The following TCERG1L variants were observed in gnomAD, a reference collection of about 807,000 sequenced individuals.
TCERG1L encodes transcription elongation regulator 1 like.
Under a neutral mutation model 56.3 loss-of-function variants are expected in TCERG1L, and 37 were observed. That is an observed-to-expected ratio of 0.66 (90% CI 0.51 to 0.87). The LOEUF is 0.87. Among genes scored for constraint, TCERG1L ranks in the 40% least tolerant of loss-of-function variants. The pLI is 0.00. For missense variants in TCERG1L, 799 were observed against 774.2 expected (o/e 1.03, Z -0.38); for synonymous variants, 324 against 326.3 (o/e 0.99, Z 0.08).
intron 4 of TCERG1L, among the ~76,000 whole-genome samples, chr10:131,225,551 T>G (rs1335034357): frequency 6.6e-6 from 1 of 152,160 alleles, no homozygotes; most frequent in Non-Finnish European, 1.5e-5. Context: ...AAGATGCATT[T>G]CGATTGATTT....
chr10:131,151,065 A>G (rs1845860637), intron 6 of TCERG1L, among the ~76,000 whole-genome samples: 1 of 152,202 alleles, frequency 6.6e-6, no homozygotes, highest in South Asian at 2.1e-4. Context: ...CACCCTTGAC[A>G]CACGGGGATT....
At chr10:131,272,195 A>G (rs1846347060) in intron 3 of TCERG1L, among the ~76,000 whole-genome samples, 1 of 152,170 alleles carries the variant, frequency 6.6e-6, no homozygotes, top group Admixed American at 6.5e-5. Context: ...ACACAGCTCC[A>G]CACACAGCTT....
At chr10:131,202,907 G>A (rs373137268) in intron 4 of TCERG1L, among the ~76,000 whole-genome samples, 5 of 152,116 alleles carry the variant, frequency 3.3e-5, no homozygotes, top group African/African-American at 7.2e-5. Flanking sequence ...TAAGTCTGCC[G>A]TCTGTGGAAA....
At chr10:131,308,836 T>C (rs1393310372) in intron 2 of TCERG1L, among the ~76,000 whole-genome samples, 2 of 152,212 alleles carry the variant, frequency 1.3e-5, no homozygotes, top group Admixed American at 1.3e-4. Context: ...CAACTGGTAT[T>C]GTGTAATGTT....
At chr10:131,298,841 C>T (rs371693181) in intron 3 of TCERG1L, among the ~76,000 whole-genome samples, 7 of 152,286 alleles carry the variant, frequency 4.6e-5, no homozygotes, top group East Asian at 1.9e-4. Context: ...ACATGTCAAT[C>T]GGGTCAAGTT....
chr10:131,180,959 G>A (rs1411597604), intron 4 of TCERG1L, among the ~76,000 whole-genome samples: 2 of 152,160 alleles, frequency 1.3e-5, no homozygotes, highest in African/African-American at 4.8e-5. Context: ...AAGGGAAGTC[G>A]CATCCCTGGT....
chr10:131,217,142 G>A (rs1393325704), intron 4 of TCERG1L, among the ~76,000 whole-genome samples: 1 of 152,132 alleles, frequency 6.6e-6, no homozygotes, highest in Non-Finnish European at 1.5e-5. Context: ...GTTGGAGGTG[G>A]GGCCTGGTGG....
intron 8 of TCERG1L, among the ~76,000 whole-genome samples, chr10:131,129,211 A>G (rs1223240744): frequency 6.6e-6 from 1 of 152,108 alleles, no homozygotes; most frequent in Non-Finnish European, 1.5e-5. Flanking sequence ...CTAAGAGGAA[A>G]AAAAAAAGAA....
At chr10:131,185,823 A>T (rs184041894) in intron 4 of TCERG1L, among the ~76,000 whole-genome samples, 298 of 152,292 alleles carry the variant, frequency 2.0e-3, no homozygotes, top group African/African-American at 6.9e-3. Context: ...TCAAACATAG[A>T]CTTAATGTGA....
intron 4 of TCERG1L, among the ~76,000 whole-genome samples, chr10:131,229,897 C>T (rs927599757): frequency 5.9e-5 from 9 of 152,258 alleles, no homozygotes; most frequent in East Asian, 1.9e-4. Flanking sequence ...CTGAACGAAG[C>T]GCTGAGGAGA....
rs1399787536 is a variant in TCERG1L, at chr10:131,098,837, G to A, written c.1486-413C>T. On this transcript the variant is annotated intron_variant, in intron 10 of 11. Coordinates refer to ENST00000368642, the MANE Select transcript of TCERG1L (RefSeq NM_174937.4). ...GCGCGGCCTCCCACTGCCTCATCAC[G>A]GCCAGTGGCACCAGAACACAGCAGA... is the stretch of plus-strand genomic sequence containing the variant. Among the ~76,000 whole-genome samples, 9 of 152,292 alleles carry A rather than the reference G, an allele frequency of 5.9e-5. No homozygotes were observed. In the South Asian group the frequency reaches 1.7e-3, roughly 28 times the overall value.
chr10:131,210,527 G>A (rs1845605451), intron 4 of TCERG1L, among the ~76,000 whole-genome samples: 1 of 152,204 alleles, frequency 6.6e-6, no homozygotes, highest in Admixed American at 6.5e-5. Context: ...AATTATCTGG[G>A]AAAAATTCCA....
intron 8 of TCERG1L, among the ~76,000 whole-genome samples, chr10:131,124,088 C>T (rs1267638224): frequency 1.3e-5 from 2 of 152,184 alleles, no homozygotes; most frequent in African/African-American, 2.4e-5. Flanking sequence ...GACCAAGGTG[C>T]TCCTTTCCTT....
At chr10:131,300,139 T>A (rs1384223238) in intron 3 of TCERG1L, among the ~76,000 whole-genome samples, 2 of 152,186 alleles carry the variant, frequency 1.3e-5, no homozygotes, top group African/African-American at 2.4e-5. Context: ...TAGCTTTCAA[T>A]AATTGTTTCT....
chr10:131,120,110 C>T (rs1433340242), intron 8 of TCERG1L, among the ~76,000 whole-genome samples: 1 of 152,144 alleles, frequency 6.6e-6, no homozygotes, highest in Non-Finnish European at 1.5e-5. Context: ...CGGTTCTGTC[C>T]CTTCCCCCAG....
At chr10:131,099,431 T>G (rs1043058376) in intron 10 of TCERG1L, among the ~76,000 whole-genome samples, 103 of 152,274 alleles carry the variant, frequency 6.8e-4, no homozygotes, top group African/African-American at 2.5e-3. Context: ...AAAAATAAAC[T>G]GAAGATAAGT....
chr10:131,120,330 G>A (rs764372255), intron 8 of TCERG1L, among the ~76,000 whole-genome samples: 1 of 152,134 alleles, frequency 6.6e-6, no homozygotes, highest in Non-Finnish European at 1.5e-5. Context: ...TGCAACCCCC[G>A]CCATGATTTT....
chr10:131,200,993 C>G (rs1379479509), intron 4 of TCERG1L, among the ~76,000 whole-genome samples: 1 of 152,176 alleles, frequency 6.6e-6, no homozygotes, highest in African/African-American at 2.4e-5. Context: ...CCTCCCTCCC[C>G]TCGGGCGGAT....
chr10:131,189,162 T>C (rs1845279708), intron 4 of TCERG1L, among the ~76,000 whole-genome samples: 1 of 152,244 alleles, frequency 6.6e-6, no homozygotes, highest in Admixed American at 6.5e-5. Context: ...TCTGCTTAGA[T>C]TTGCCATTTA....
Sources: allele counts gnomAD v4.1 joint callset (sites outside exome capture counted in the v4.1 genomes callset), GRCh38; gene constraint gnomAD v4.1.1; transcripts MANE v1.5; gene names NCBI Gene and HGNC (gene_info 2026-07-23, HGNC 2026-07-21).